The following MALRD1 variants were observed in gnomAD, a reference collection of about 807,000 sequenced individuals.
MALRD1 encodes MAM and LDL receptor class A domain containing 1, also known as MAM and LDL-receptor class A domain-containing protein 1.
MALRD1 carries 247 observed loss-of-function variants against 242.1 expected under a neutral mutation model. The ratio of observed to expected loss-of-function variants is 1.02; its 90% confidence interval spans 0.92 to 1.13. The LOEUF is 1.13. MALRD1 is among the 50% of genes most tolerant of loss of function. MALRD1 has a pLI of 0.00. For synonymous variants in MALRD1, 995 were observed against 866.6 expected (o/e 1.15, Z -2.60); for missense variants, 2,989 against 2,533.1 (o/e 1.18, Z -3.86).
At chr10:19,732,667 T>C (rs1835344514) in intron 39 of MALRD1, among the ~76,000 whole-genome samples, 1 of 152,218 alleles carries the variant, frequency 6.6e-6, no homozygotes, top group Non-Finnish European at 1.5e-5. Flanking sequence ...TTTATGTTTT[T>C]TGTATTAGTG....
At chr10:19,328,773 G>A (rs1172336223) in intron 23 of MALRD1, among the ~76,000 whole-genome samples, 1 of 152,156 alleles carries the variant, frequency 6.6e-6, no homozygotes, top group Non-Finnish European at 1.5e-5. Flanking sequence ...ATATGCATAA[G>A]AAGGAAGTTC....
intron 12 of MALRD1, among the ~76,000 whole-genome samples, chr10:19,159,910 G>T (rs1180383361): frequency 6.6e-6 from 1 of 151,894 alleles, no homozygotes; most frequent in East Asian, 1.9e-4. Context: ...TTTAAAAATA[G>T]AAATAATTTA....
At chr10:19,254,484 G>T (rs1285967287) in intron 18 of MALRD1, among the ~76,000 whole-genome samples, 2 of 151,866 alleles carry the variant, frequency 1.3e-5, no homozygotes, top group African/African-American at 4.8e-5. Context: ...CATGTGCATT[G>T]CCATGTCATA....
intron 19 of MALRD1, among the ~76,000 whole-genome samples, chr10:19,259,893 C>A (rs939511315): frequency 2.0e-5 from 3 of 152,120 alleles, no homozygotes; most frequent in Non-Finnish European, 4.4e-5. Context: ...TTCTCCACAT[C>A]ACCTATCACC....
At chr10:19,503,239 G>A (rs955594168) in intron 31 of MALRD1, among the ~76,000 whole-genome samples, 1 of 152,162 alleles carries the variant, frequency 6.6e-6, no homozygotes, top group African/African-American at 2.4e-5. Context: ...TAAATTGTAA[G>A]GACATTAATT....
intron 2 of MALRD1, among the ~76,000 whole-genome samples, chr10:19,083,696 T>C (rs1298475857): frequency 2.0e-5 from 3 of 151,976 alleles, no homozygotes; most frequent in Non-Finnish European, 4.4e-5. Flanking sequence ...ATTTTACTCA[T>C]TCTTGTGGCT....
intron 36 of MALRD1, among the ~76,000 whole-genome samples, chr10:19,677,983 C>A (rs1819289): frequency 6.6e-6 from 1 of 151,856 alleles, no homozygotes; most frequent in Non-Finnish European, 1.5e-5. Context: ...GGTTGTAGAT[C>A]TGTGGTCTTA....
chr10:19,162,339 A>G (rs1834467803), intron 12 of MALRD1, among the ~76,000 whole-genome samples: 1 of 152,064 alleles, frequency 6.6e-6, no homozygotes, highest in South Asian at 2.1e-4. Context: ...CTGAATGTTT[A>G]TAAGCATTTA....
rs371784213 is a variant in MALRD1, at chr10:19,351,279, T to C, written c.4150-727T>C. Among the ~76,000 whole-genome samples, 23 of 152,350 alleles carry C rather than the reference T, an allele frequency of 1.5e-4. No homozygotes were observed. In the South Asian group the frequency reaches 4.3e-3, roughly 29 times the overall value. On this transcript the variant is annotated intron_variant, in intron 25 of 39. Transcript: ENST00000454679. ...TCCTACTGCTCCTAACCTGTCCTGT[T>C]CTTTTCCCAGAATTTTTCCAGACTT... is the stretch of plus-strand genomic sequence containing the variant.
chr10:19,050,377 G>A (rs1291238896), intron 1 of MALRD1, among the ~76,000 whole-genome samples: 9 of 150,186 alleles, frequency 6.0e-5, no homozygotes, highest in Non-Finnish European at 8.9e-5. Flanking sequence ...GTGAGCCACC[G>A]CGCCCGGCCT....
At chr10:19,334,565 A>G (rs1442349906) in intron 24 of MALRD1, among the ~76,000 whole-genome samples, 2 of 152,084 alleles carry the variant, frequency 1.3e-5, no homozygotes, top group Non-Finnish European at 2.9e-5. Flanking sequence ...TCAGTTGAAA[A>G]CAAAACTTAT....
chr10:19,403,986 G>A (rs1363510278), intron 28 of MALRD1, among the ~76,000 whole-genome samples: 2 of 151,936 alleles, frequency 1.3e-5, no homozygotes, highest in Non-Finnish European at 2.9e-5. Context: ...ACTTCAAATG[G>A]CATTAAACAC....
chr10:19,143,331 T>C (rs1833614386), intron 10 of MALRD1, among the ~76,000 whole-genome samples: 1 of 152,176 alleles, frequency 6.6e-6, no homozygotes, highest in African/African-American at 2.4e-5. Context: ...GATGCATCAG[T>C]CATATGGTAC....
At chr10:19,389,664 G>A in intron 28 of MALRD1, 55 bp downstream of exon 28, 1 of 1,505,104 alleles carries the variant, frequency 6.6e-7, no homozygotes, top group Non-Finnish European at 8.9e-7. Context: ...TTTAGAGACA[G>A]GGTCTTGCTC....
At position 19,204,372 on chromosome 10, in the gene MALRD1, A is replaced by G. The variant is rs549740192; in HGVS notation, c.2169A>G (p.Pro723=). The change falls in exon 16 of 40, where the codon CCA becomes CCG. Residue 723 remains proline, a synonymous_variant. Coordinates refer to ENST00000454679, the MANE Select transcript of MALRD1 (RefSeq NM_001142308.3). ...SLWQVAKLQS[P]TFSQTGPGCI... ...GGCAAGTTGCTAAGCTTCAGAGCCCAACTTTCAGCCAGACAGGACCTGGAT... is the reference window on the plus strand; with the variant it reads ...GGCAAGTTGCTAAGCTTCAGAGCCCGACTTTCAGCCAGACAGGACCTGGAT... 4.8e-4 allele frequency: 744 copies of G among 1,546,848 alleles called. 4 individuals are homozygous for G. Among genetic ancestry groups the G allele is most frequent in the Middle Eastern group, 3.7e-3 (22 of 5,972 alleles).
Position 19,308,889 on chromosome 10 carries a change from TAAATC to T in MALRD1, c.3420-15056_3420-15052del, listed in dbSNP as rs1277020189. Reference sequence around the variant, plus strand: ...CAATTATTTTGTACTAAGAATGTAATAAATCAAAGACAGCTGAACTGACAAGGTAG... The same window carrying T: ...CAATTATTTTGTACTAAGAATGTAATAAAGACAGCTGAACTGACAAGGTAG... On this transcript the variant is annotated intron_variant, in intron 21 of 39. Coordinates refer to ENST00000454679, the MANE Select transcript of MALRD1 (RefSeq NM_001142308.3). Among the ~76,000 whole-genome samples the T allele has an allele frequency of 5.3e-5, 8 of 151,598 alleles. No homozygotes were observed. In the Admixed American group the frequency reaches 5.3e-4, roughly 10 times the overall value.
At chr10:19,217,540 T>C (rs1370051153) in intron 18 of MALRD1, among the ~76,000 whole-genome samples, 1 of 149,364 alleles carries the variant, frequency 6.7e-6, no homozygotes, top group Non-Finnish European at 1.5e-5. Context: ...GTCTTTTTTT[T>C]TTTTTTTTTT....
rs558549311 is a variant in MALRD1, at chr10:19,249,275, T to C, written c.2992-8409T>C. 7.9e-5 allele frequency among the ~76,000 whole-genome samples: 12 copies of C among 151,712 alleles called. No individual in the cohort carries two copies. The East Asian group carries it at 1.7e-3, about 22-fold the overall frequency. On this transcript the variant is annotated intron_variant, in intron 18 of 39. Transcript: ENST00000454679. Reference sequence around the variant, plus strand: ...CATGGCAAAACTGTATAAATGTAGGTAGAAATCGAATTGGAATCCAGGAAC... The same window carrying C: ...CATGGCAAAACTGTATAAATGTAGGCAGAAATCGAATTGGAATCCAGGAAC...
At chr10:19,281,816 A>T (rs950889537) in intron 20 of MALRD1, among the ~76,000 whole-genome samples, 1 of 152,138 alleles carries the variant, frequency 6.6e-6, no homozygotes, top group African/African-American at 2.4e-5. Flanking sequence ...TACAAAAAGA[A>T]TACACAAATT....
Sources: gnomAD v4.1 joint callset for allele counts (sites outside exome capture counted in the v4.1 genomes callset) on GRCh38, gnomAD v4.1.1 for gene constraint, MANE v1.5 for transcripts, NCBI Gene and HGNC (gene_info 2026-07-23, HGNC 2026-07-21) for gene names.